NOX4: variants seen among roughly 807,000 people sequenced by gnomAD.
NOX4 encodes kidney oxidase-1.
A neutral mutation model predicts 87.6 loss-of-function variants in NOX4; 69 were observed. The observed-to-expected ratio is 0.79, with a 90% CI of 0.65 to 0.96. The LOEUF (loss-of-function observed/expected upper bound fraction) is 0.96, where lower values mean the gene tolerates loss of function less well. Among genes scored for constraint, NOX4 ranks in the 40% least tolerant of loss-of-function variants. The pLI, the probability that NOX4 is intolerant of heterozygous loss-of-function variation, is 0.00. For missense variants in NOX4, 680 were observed against 681.5 expected (o/e 1.00, Z 0.02); for synonymous variants, 275 against 238.2 (o/e 1.15, Z -1.42).
At chr11:89,363,141 C>A (rs972796342) in intron 12 of NOX4, among the ~76,000 whole-genome samples, 1 of 151,898 alleles carries the variant, frequency 6.6e-6, no homozygotes, top group Non-Finnish European at 1.5e-5. Flanking sequence ...TGGAATAGAA[C>A]AGTCAACTTA....
At chr11:89,465,842 A>G (rs1411714772) in intron 2 of NOX4, among the ~76,000 whole-genome samples, 1 of 151,334 alleles carries the variant, frequency 6.6e-6, no homozygotes, top group African/African-American at 2.4e-5. Flanking sequence ...TTTCTTGTAA[A>G]TTTGTTTAAG....
At chr11:89,384,830 G>A (rs2135110160) in intron 11 of NOX4, among the ~76,000 whole-genome samples, 1 of 152,108 alleles carries the variant, frequency 6.6e-6, no homozygotes, top group South Asian at 2.1e-4. Flanking sequence ...ACTGTTTTAG[G>A]CTGGCCCCCG....
chr11:89,400,504 C>A, intron 9 of NOX4, 125 bp from the exon 10 acceptor site: 1 of 599,548 alleles, frequency 1.7e-6, no homozygotes, highest in Non-Finnish European at 2.6e-6. Flanking sequence ...AATAAGAAAA[C>A]ATAACAAATG....
chr11:89,492,365 C>CT (rs1261338384), upstream of NOX4: 8 of 152,280 alleles, frequency 5.3e-5, no homozygotes, highest in Admixed American at 1.3e-4. Flanking sequence ...GAAAAGTTTA[C>CT]TACTAGTTGC....
At chr11:89,578,624 C>G in the NOX4 span, among the ~76,000 whole-genome samples, 1 of 152,056 alleles carries the variant, frequency 6.6e-6, no homozygotes, top group Non-Finnish European at 1.5e-5. Flanking sequence ...GTTAATAAGA[C>G]AAACTTTCTG....
chr11:89,508,719 C>T, the NOX4 span, among the ~76,000 whole-genome samples: 1 of 152,068 alleles, frequency 6.6e-6, no homozygotes, highest in Non-Finnish European at 1.5e-5. Flanking sequence ...GGCACCAGGC[C>T]AGGCCTGTTC....
intron 2 of NOX4, among the ~76,000 whole-genome samples, chr11:89,471,811 A>C (rs1056226540): frequency 1.3e-5 from 2 of 152,146 alleles, no homozygotes; most frequent in Non-Finnish European, 2.9e-5. Flanking sequence ...GTGCAATCTC[A>C]GCTCACTGCA....
At chr11:89,413,629 G>T (rs1450875173) in intron 8 of NOX4, among the ~76,000 whole-genome samples, 1 of 152,032 alleles carries the variant, frequency 6.6e-6, no homozygotes, top group East Asian at 1.9e-4. Context: ...AATGAAAACT[G>T]AACTCGTGAA....
chr11:89,406,002 T>C (rs1430116982), intron 8 of NOX4, among the ~76,000 whole-genome samples: 1 of 152,154 alleles, frequency 6.6e-6, no homozygotes, highest in African/African-American at 2.4e-5. Context: ...TTTATATGGC[T>C]ATAGACTTAG....
intron 8 of NOX4, among the ~76,000 whole-genome samples, chr11:89,413,884 C>A (rs1167540505): frequency 1.3e-5 from 2 of 151,786 alleles, no homozygotes. Flanking sequence ...TCTCATGTAT[C>A]CCATAAACAT....
intron 12 of NOX4, among the ~76,000 whole-genome samples, chr11:89,367,092 A>G (rs1284929168): frequency 6.6e-6 from 1 of 152,170 alleles, no homozygotes; most frequent in Non-Finnish European, 1.5e-5. Flanking sequence ...TTGTGATAGT[A>G]AATAAGCCAT....
the NOX4 span, among the ~76,000 whole-genome samples, chr11:89,569,730 GCA>G: frequency 6.6e-6 from 1 of 152,150 alleles, no homozygotes; most frequent in African/African-American, 2.4e-5. Context: ...CTGGCCGGGT[GCA>G]GTGGCTCACA....
At chr11:89,529,571 A>T in the NOX4 span, among the ~76,000 whole-genome samples, 1 of 152,226 alleles carries the variant, frequency 6.6e-6, no homozygotes, top group Non-Finnish European at 1.5e-5. Context: ...ATGTTTGGAT[A>T]GTTTACTTGA....
At chr11:89,488,550 T>C (rs1012233430) in intron 2 of NOX4, among the ~76,000 whole-genome samples, 3 of 152,192 alleles carry the variant, frequency 2.0e-5, no homozygotes, top group Non-Finnish European at 4.4e-5. Context: ...ATTATTTTTT[T>C]AAGAAATAAG....
chr11:89,429,294 A>T (rs1943640213), intron 7 of NOX4, among the ~76,000 whole-genome samples: 1 of 152,310 alleles, frequency 6.6e-6, no homozygotes, highest in Middle Eastern at 3.4e-3. Context: ...ATCACAATTA[A>T]AAGAACTAGA....
chr11:89,476,206 C>A (rs1946160889), intron 2 of NOX4, among the ~76,000 whole-genome samples: 1 of 152,034 alleles, frequency 6.6e-6, no homozygotes, highest in Non-Finnish European at 1.5e-5. Flanking sequence ...TTGCACCTAT[C>A]CTTTTAATGT....
intron 12 of NOX4, among the ~76,000 whole-genome samples, chr11:89,371,232 C>G (rs1048201151): frequency 6.6e-6 from 1 of 151,948 alleles, no homozygotes; most frequent in Non-Finnish European, 1.5e-5. Flanking sequence ...TAGGTGTTCT[C>G]TGCATGACTG....
chr11:89,456,590 A>G (rs1565316014), intron 2 of NOX4, among the ~76,000 whole-genome samples: 1 of 152,260 alleles, frequency 6.6e-6, no homozygotes, highest in East Asian at 1.9e-4. Context: ...GGGGCTGCTG[A>G]GCACTGGGGC....
chr11:89,336,084 G>A (rs547764538), intron 16 of NOX4, 139 bp from the exon 17 acceptor site: 15 of 442,848 alleles, frequency 3.4e-5, no homozygotes, highest in Admixed American at 2.6e-4. Flanking sequence ...AACCTATCAC[G>A]TACAATTATT....
Sources: gnomAD v4.1 joint callset for allele counts (sites outside exome capture counted in the v4.1 genomes callset) on GRCh38, gnomAD v4.1.1 for gene constraint, MANE v1.5 for transcripts, NCBI Gene and HGNC (gene_info 2026-07-23, HGNC 2026-07-21) for gene names.